Variants in COX5A observed in about 807,000 individuals in gnomAD.
COX5A encodes the protein cytochrome c oxidase subunit 5A.
COX5A carries 6 observed loss-of-function variants against 16.1 expected under a neutral mutation model. The observed-to-expected ratio is 0.37, with a 90% confidence interval of 0.20 to 0.73. The LOEUF (loss-of-function observed/expected upper bound fraction) is 0.73, where lower values mean the gene tolerates loss of function less well. COX5A is among the 30% of genes least tolerant of loss of function. The probability of loss-of-function intolerance (pLI) is 0.50; values close to 1 mark genes in which losing one functional copy is unlikely to be tolerated. For synonymous variants in COX5A, 73 were observed against 73.8 expected (o/e 0.99, Z 0.06); for missense variants, 159 against 194.9 (o/e 0.82, Z 1.10).
rs76471837 is a variant in COX5A at position 74,927,910 on chromosome 15, T to C, written c.218-1023A>G. On this transcript the variant is annotated intron_variant, in intron 2 of 4. Transcript: ENST00000322347. ...TTAAGGAGATATTATAGAGAAACAT[T>C]AGTACACAGACTCATAAACATTCAA... Among the ~76,000 whole-genome samples the C allele has an allele frequency of 1.4e-4, 22 of 152,294 alleles. No individual in the cohort carries two copies. The East Asian group carries it at 2.5e-3, about 17-fold the overall frequency.
In COX5A at chr15:74,929,096, T is replaced by G. The variant is rs1212963295; in HGVS notation, c.217+20A>C. On this transcript the variant is annotated intron_variant, in intron 2 of 4. Transcript: ENST00000322347. ...ATATTTACACACCAAAATAGACAAATATGTTTATGTTCCAATTACCTTTAC... is the reference window on the plus strand; with the variant it reads ...ATATTTACACACCAAAATAGACAAAGATGTTTATGTTCCAATTACCTTTAC... 6.6e-7 allele frequency: 1 copy of G among 1,510,666 alleles called. No individual in the cohort carries two copies. Among genetic ancestry groups the G allele is most frequent in the Non-Finnish European group, 9.2e-7 (1 of 1,086,406 alleles). The allele number at this position is 1,510,666 out of a possible 1,614,324, so 93.6% of individuals were successfully genotyped here. A position where few individuals can be genotyped will look rare whatever the true frequency, so the allele number is the denominator to read the frequency against.
chr15:74,931,972 G>A (rs186080328), intron 1 of COX5A, among the ~76,000 whole-genome samples: 7 of 152,266 alleles, frequency 4.6e-5, no homozygotes, highest in Admixed American at 4.6e-4. Context: ...TTTATCTTTG[G>A]GTATTGAATG....
intron 4 of COX5A, among the ~76,000 whole-genome samples, chr15:74,923,061 G>A (rs934714059): frequency 2.0e-5 from 3 of 152,156 alleles, no homozygotes; most frequent in Non-Finnish European, 4.4e-5. Flanking sequence ...CTATGCTACT[G>A]TTTATGCCTA....
intron 4 of COX5A, among the ~76,000 whole-genome samples, chr15:74,922,610 C>A (rs1595860440): frequency 6.6e-6 from 1 of 151,944 alleles, no homozygotes; most frequent in African/African-American, 2.4e-5. Flanking sequence ...CCACCTTAGC[C>A]TCCCAAAGTG....
intron 1 of COX5A, among the ~76,000 whole-genome samples, chr15:74,929,683 G>A (rs1395783927): frequency 6.6e-6 from 1 of 152,082 alleles, no homozygotes; most frequent in Non-Finnish European, 1.5e-5. Context: ...AAGATTACCC[G>A]AGCCCAGGAG....
chr15:74,936,675 G>A (rs1012855579), intron 1 of COX5A, among the ~76,000 whole-genome samples: 2 of 136,324 alleles, frequency 1.5e-5, no homozygotes, highest in African/African-American at 5.7e-5. Flanking sequence ...CGGCCAGGCT[G>A]GAGTGCAATG....
intron 1 of COX5A, among the ~76,000 whole-genome samples, chr15:74,933,421 ATCTATCTATCTATCT>A (rs1369000082): frequency 0.022 from 1,274 of 57,750 alleles, 14 homozygotes; most frequent in African/African-American, 0.11. Context: ...AAAAAAAAAT[ATCTATCTATCTATCT>A]ATCTATCTAT....
At chr15:74,928,864 CA>C (rs1200648277) in intron 2 of COX5A, among the ~76,000 whole-genome samples, 1 of 152,046 alleles carries the variant, frequency 6.6e-6, no homozygotes, top group Admixed American at 6.6e-5. Flanking sequence ...AGGTAGAGGC[CA>C]AAGGTGATGC....
At chr15:74,935,739 C>T (rs893487088) in intron 1 of COX5A, among the ~76,000 whole-genome samples, 2 of 151,556 alleles carry the variant, frequency 1.3e-5, no homozygotes, top group African/African-American at 4.8e-5. Context: ...ACCACGTGTG[C>T]GTGCCACCAC....
At chr15:74,923,819 T>A in intron 3 of COX5A, 49 bp from the exon 4 acceptor site, 1 of 1,194,400 alleles carries the variant, frequency 8.4e-7, no homozygotes, top group Non-Finnish European at 1.2e-6. Flanking sequence ...AAGCCATGTC[T>A]ATTAATTCAT....
At chr15:74,929,320 T>C (rs1656142193) in intron 1 of COX5A, 88 bp from the exon 2 acceptor site, 3 of 873,014 alleles carry the variant, frequency 3.4e-6, no homozygotes, top group Non-Finnish European at 5.7e-6. Context: ...GTTGACTATA[T>C]ATGTTGTGGC....
intron 3 of COX5A, among the ~76,000 whole-genome samples, chr15:74,924,894 G>A (rs1478584676): frequency 1.3e-5 from 2 of 152,154 alleles, no homozygotes; most frequent in Non-Finnish European, 2.9e-5. Flanking sequence ...CTTTCTTACA[G>A]ACCACAGTAT....
intron 1 of COX5A, among the ~76,000 whole-genome samples, chr15:74,933,709 T>C (rs1357568911): frequency 6.6e-6 from 1 of 152,172 alleles, no homozygotes; most frequent in Non-Finnish European, 1.5e-5. Flanking sequence ...AAACCTACCA[T>C]ATAACACAGT....
chr15:74,934,323 G>A (rs1030900998), intron 1 of COX5A, among the ~76,000 whole-genome samples: 4 of 151,828 alleles, frequency 2.6e-5, no homozygotes, highest in Admixed American at 2.0e-4. Context: ...CTCTCCCCAC[G>A]TGATTTAAAT....
At chr15:74,924,023 T>C (rs1490230285) in intron 3 of COX5A, among the ~76,000 whole-genome samples, 2 of 150,756 alleles carry the variant, frequency 1.3e-5, no homozygotes, top group Non-Finnish European at 2.9e-5. Context: ...CTACTAAAAA[T>C]ACAAAAATCA....
At chr15:74,927,083 A>G (rs2065347724) in intron 2 of COX5A, among the ~76,000 whole-genome samples, 196 bp from the exon 3 acceptor site, 1 of 152,200 alleles carries the variant, frequency 6.6e-6, no homozygotes, top group Non-Finnish European at 1.5e-5. Flanking sequence ...TTAGTGAATC[A>G]GTGGAAAGAA....
At chr15:74,932,843 T>C (rs1018085598) in intron 1 of COX5A, among the ~76,000 whole-genome samples, 5 of 151,914 alleles carry the variant, frequency 3.3e-5, no homozygotes, top group Non-Finnish European at 7.4e-5. Flanking sequence ...ATTACAGGCA[T>C]GCGCCACCAT....
chr15:74,924,011 C>T (rs2065332869), intron 3 of COX5A, among the ~76,000 whole-genome samples: 1 of 151,682 alleles, frequency 6.6e-6, no homozygotes, highest in South Asian at 2.1e-4. Context: ...GAAATCCCGT[C>T]TCTACTAAAA....
intron 1 of COX5A, among the ~76,000 whole-genome samples, chr15:74,936,657 C>T (rs1429553296): frequency 4.5e-5 from 6 of 131,904 alleles, no homozygotes; most frequent in Admixed American, 1.7e-4. Context: ...GACGGAGTCT[C>T]GCTCTGTCGG....
Sources: gnomAD v4.1 joint callset for allele counts (sites outside exome capture counted in the v4.1 genomes callset) on GRCh38, gnomAD v4.1.1 for gene constraint, MANE v1.5 for transcripts, NCBI Gene and HGNC (gene_info 2026-07-23, HGNC 2026-07-21) for gene names.